Variants in LSP1 observed in about 807,000 individuals in gnomAD.
LSP1 encodes the protein lymphocyte-specific protein 1.
In LSP1, 32 loss-of-function variants were observed where a neutral mutation model predicts 49.3. The observed-to-expected ratio is 0.65, with a 90% CI of 0.49 to 0.87. LSP1 has a LOEUF of 0.87. Among genes scored for constraint, LSP1 ranks in the 40% least tolerant of loss-of-function variants. LSP1 has a pLI of 0.00. For synonymous variants in LSP1, 179 were observed against 178.8 expected (o/e 1.00, Z -0.01); for missense variants, 428 against 442.6 (o/e 0.97, Z 0.30).
At chr11:1,891,672 G>C (rs1849006763) in intron 10 of LSP1, 101 bp from the exon 11 acceptor site, 1 of 153,180 alleles carries the variant, frequency 6.5e-6, no homozygotes, top group Non-Finnish European at 1.5e-5. Context: ...CCAGCAGAGA[G>C]AGGCTCGGGG....
In LSP1 at chr11:1,874,052, G is replaced by A. The variant is rs555295743; in HGVS notation, c.54-6035G>A. ...GGAGGCCGGCAGAGGAGGGAGGCTGGCAGAGCAGGGAGGCCGGCAGAGGAG... is the reference window on the plus strand; with the variant it reads ...GGAGGCCGGCAGAGGAGGGAGGCTGACAGAGCAGGGAGGCCGGCAGAGGAG... On this transcript the variant is annotated intron_variant, in intron 1 of 10. Transcript: ENST00000311604. 7.6e-4 allele frequency among the ~76,000 whole-genome samples: 110 copies of A among 144,732 alleles called. 3 individuals carry two copies. Among genetic ancestry groups the A allele is most frequent in the Non-Finnish European group, 1.3e-3 (86 of 65,854 alleles). The allele number at this position is 144,732 out of a possible 152,430, so 94.9% of individuals were successfully genotyped here.
chr11:1,888,335 C>T (rs374400324), intron 10 of LSP1, among the ~76,000 whole-genome samples: 3 of 152,204 alleles, frequency 2.0e-5, no homozygotes, highest in Admixed American at 6.5e-5. Flanking sequence ...TTCTCTGTCC[C>T]GCTTGGCCAA....
chr11:1,857,127 C>T (rs1009191787), intron 1 of LSP1, among the ~76,000 whole-genome samples: 1 of 152,332 alleles, frequency 6.6e-6, no homozygotes, highest in South Asian at 2.1e-4. Flanking sequence ...TCTTCTTCCT[C>T]GTGGGCTGGC....
rs10769814 is a variant in LSP1 at position 1,855,725 on chromosome 11, A to T, written c.53+2528A>T. Reference sequence around the variant, plus strand: ...CTCCTGTCTCGCCCCGCTGTCCAGCAGACAGTCACTAGCTTGTCCTTGTCC... The same window carrying T: ...CTCCTGTCTCGCCCCGCTGTCCAGCTGACAGTCACTAGCTTGTCCTTGTCC... On this transcript the variant is annotated intron_variant, in intron 1 of 10. Coordinates refer to ENST00000311604, the MANE Select transcript of LSP1 (RefSeq NM_002339.3). 5.9e-5 allele frequency among the ~76,000 whole-genome samples: 9 copies of T among 152,132 alleles called. No individual in the cohort carries two copies. The South Asian group carries it at 1.0e-3, about 18-fold the overall frequency.
intron 1 of LSP1, among the ~76,000 whole-genome samples, chr11:1,872,137 G>C (rs1848048999): frequency 6.9e-6 from 1 of 144,904 alleles, no homozygotes; most frequent in African/African-American, 2.6e-5. Context: ...GGGCAGGCCT[G>C]GGCTGCAGTC....
intron 1 of LSP1, among the ~76,000 whole-genome samples, chr11:1,874,656 CCGGGAGGGGCCTTGGCAGAGGCGA>C (rs1218254486): frequency 6.6e-6 from 1 of 152,154 alleles, no homozygotes; most frequent in South Asian, 2.1e-4. Context: ...CAGGGAGGCG[CCGGGAGGGGCCTTGGCAGAGGCGA>C]CTCCCTCCGG....
At chr11:1,861,915 ATGG>A in intron 1 of LSP1, among the ~76,000 whole-genome samples, 1 of 150,742 alleles carries the variant, frequency 6.6e-6, no homozygotes, top group South Asian at 2.1e-4. Flanking sequence ...GGATGGATGG[ATGG>A]ATGGATGGAT....
intron 8 of LSP1, 125 bp downstream of exon 8, chr11:1,886,991 C>G: frequency 2.4e-6 from 3 of 1,258,544 alleles, no homozygotes; most frequent in Non-Finnish European, 3.3e-6. Flanking sequence ...ATACAGAACC[C>G]TGAGGTATTG....
intron 10 of LSP1, chr11:1,889,522 G>A (rs1359312565): frequency 1.6e-6 from 1 of 617,040 alleles, no homozygotes. Context: ...GGGCACGGAG[G>A]CTCTGGGGCC....
Position 1,884,200 on chromosome 11 carries a change from G to A in LSP1, c.592-80G>A. On this transcript the variant is annotated intron_variant, in intron 5 of 10. Coordinates refer to ENST00000311604, the MANE Select transcript of LSP1 (RefSeq NM_002339.3). The surrounding 1 kb of genome is among the most constrained non-coding windows in gnomAD (Gnocchi z 4.1). ...GATATAAGGGTTGGGGGTTGGATTAGTGGTTGGAGTAGCTGGGGAGATGGA... is the reference window on the plus strand; with the variant it reads ...GATATAAGGGTTGGGGGTTGGATTAATGGTTGGAGTAGCTGGGGAGATGGA... 2 of 1,546,492 alleles carry A rather than the reference G, an allele frequency of 1.3e-6. No homozygotes were observed. The highest frequency in any genetic ancestry group is 1.8e-6 in the Non-Finnish European group (2 of 1,118,512).
intron 1 of LSP1, among the ~76,000 whole-genome samples, chr11:1,855,684 C>T (rs1003105506): frequency 6.6e-6 from 1 of 152,206 alleles, no homozygotes; most frequent in African/African-American, 2.4e-5. Flanking sequence ...GACTGCGGTT[C>T]CTCCACTCGG....
intron 10 of LSP1, chr11:1,890,233 G>A: frequency 1.4e-6 from 1 of 716,612 alleles, no homozygotes; most frequent in Non-Finnish European, 2.6e-6. Flanking sequence ...TGGATGATGG[G>A]GGTGTGCGGG....
chr11:1,853,760 G>A (rs1304889065), intron 1 of LSP1, among the ~76,000 whole-genome samples: 1 of 152,214 alleles, frequency 6.6e-6, no homozygotes, highest in Non-Finnish European at 1.5e-5. Flanking sequence ...AAGGATTCTG[G>A]CAGGTGCCTG....
Position 1,874,213 on chromosome 11 carries a change from G to A in LSP1, c.54-5874G>A, listed in dbSNP as rs1344160092. 2.7e-4 allele frequency among the ~76,000 whole-genome samples: 23 copies of A among 84,558 alleles called. 1 individual carries two copies. The highest frequency in any genetic ancestry group is 1.2e-3 in the African/African-American group (22 of 18,294). The allele number at this position is 84,558 out of a possible 152,430, so 55.5% of individuals were successfully genotyped here. ...TGGGGGCAGGCTGGGGACAGTGGGG[G>A]CAGTGTTGGGGACAGTGAGGGCAGG... is the stretch of plus-strand genomic sequence containing the variant. On this transcript the variant is annotated intron_variant, in intron 1 of 10. Coordinates refer to ENST00000311604, the MANE Select transcript of LSP1 (RefSeq NM_002339.3).
At chr11:1,883,874 C>T in intron 4 of LSP1, 58 bp from the exon 5 acceptor site, 2 of 1,461,480 alleles carry the variant, frequency 1.4e-6, no homozygotes, top group Non-Finnish European at 1.9e-6. Flanking sequence ...AGGTGCTGGG[C>T]AGGGCAGGAG....
intron 1 of LSP1, among the ~76,000 whole-genome samples, chr11:1,856,819 G>C (rs762770116): frequency 6.6e-6 from 1 of 152,250 alleles, no homozygotes; most frequent in Admixed American, 6.5e-5. Flanking sequence ...CCTGGAGGAT[G>C]TGCAATGCTC....
At chr11:1,868,899 T>C in intron 1 of LSP1, 2 of 985,896 alleles carry the variant, frequency 2.0e-6, no homozygotes, top group Non-Finnish European at 2.4e-6. Flanking sequence ...CAGATGCCCC[T>C]GCTGGAACCG....
chr11:1,879,733 G>A (rs189187705), intron 1 of LSP1, among the ~76,000 whole-genome samples: 196 of 152,350 alleles, frequency 1.3e-3, no homozygotes, highest in Non-Finnish European at 2.1e-3. Flanking sequence ...TTCTACTTAG[G>A]GAGGGAGGCA....
At chr11:1,868,821 G>C in intron 1 of LSP1, 1 of 985,792 alleles carries the variant, frequency 1.0e-6, no homozygotes, top group Non-Finnish European at 1.2e-6. Context: ...TTCAGTCCCA[G>C]CCGGCGAACC....
Sources: gnomAD v4.1 joint callset for allele counts (sites outside exome capture counted in the v4.1 genomes callset) on GRCh38, gnomAD v4.1.1 for gene constraint, Gnocchi (gnomAD v3.1) non-coding constraint, MANE v1.5 for transcripts, NCBI Gene and HGNC (gene_info 2026-07-23, HGNC 2026-07-21) for gene names.